NBPF12: variants seen among roughly 807,000 people sequenced by gnomAD.
The protein encoded by NBPF12 is NBPF family member NBPF12.
NBPF12 carries 115 observed loss-of-function variants against 146.4 expected under a neutral mutation model. The ratio of observed to expected loss-of-function variants is 0.79; its 90% CI spans 0.68 to 0.92. NBPF12 has a LOEUF of 0.92. Among genes scored for constraint, NBPF12 ranks in the 40% least tolerant of loss-of-function variants. The probability of loss-of-function intolerance (pLI) is 0.00; values close to 1 mark genes in which losing one functional copy is unlikely to be tolerated. For synonymous variants in NBPF12, 385 were observed against 508.9 expected, an observed-to-expected ratio of 0.76 and a Z score of 3.28; for missense variants, 1,205 against 1,326.8, an observed-to-expected ratio of 0.91 and a Z score of 1.43.
chr1:146,992,654 G>T, intron 31 of NBPF12, 58 bp from the exon 35 acceptor site: 2 of 769,468 alleles, frequency 2.6e-6, no homozygotes, highest in East Asian at 2.5e-5. Flanking sequence ...AACCTAGTTG[G>T]GGCTCTGTTG....
At chr1:146,975,429 T>C (rs1389670146) in intron 15 of NBPF12, among the ~76,000 whole-genome samples, 5 of 150,248 alleles carry the variant, frequency 3.3e-5, no homozygotes, top group African/African-American at 7.5e-5. Flanking sequence ...AGACACCTAC[T>C]TTTGTTTACA....
chr1:146,969,566 G>A (rs1314537192), exon 11 of NBPF12: 2 of 1,608,838 alleles, frequency 1.2e-6, no homozygotes, highest in East Asian at 4.5e-5. Context: ...GTGTAGACTG[G>A]CACAGCACCT....
chr1:146,939,123 A>G (rs1399080380), intron 1 of NBPF12, 111 bp downstream of exon 1: 2 of 152,008 alleles, frequency 1.3e-5, no homozygotes, highest in Admixed American at 1.3e-4. Context: ...CGGGCTCCGC[A>G]GGGCTCCGCC....
chr1:146,973,566 G>A (rs1656796006), intron 14 of NBPF12, among the ~76,000 whole-genome samples: 1 of 149,186 alleles, frequency 6.7e-6, no homozygotes, highest in South Asian at 2.1e-4. Flanking sequence ...GAGGCGAGTA[G>A]AGCACGAGGT....
chr1:146,962,214 T>C, exon 5 of NBPF12: 1 of 1,608,326 alleles, frequency 6.2e-7, no homozygotes. Flanking sequence ...TGAGCGACAG[T>C]TCAAGGAGGA....
At chr1:146,972,903 G>A (rs1656746720) in exon 14 of NBPF12, 1 of 1,048,956 alleles carries the variant, frequency 9.5e-7, no homozygotes, top group East Asian at 2.4e-5. Context: ...AAGCCTCAAA[G>A]AGAAATGTTT....
At chr1:146,953,219 G>A (rs1254378924) in intron 2 of NBPF12, among the ~76,000 whole-genome samples, 1 of 129,654 alleles carries the variant, frequency 7.7e-6, no homozygotes, top group Non-Finnish European at 1.6e-5. Context: ...GACATGTGGT[G>A]GTTACTAATC....
intron 5 of NBPF12, 76 bp downstream of exon 8, chr1:146,962,339 G>C: frequency 8.1e-7 from 1 of 1,228,312 alleles, no homozygotes; most frequent in Non-Finnish European, 1.2e-6. Flanking sequence ...GCGGGGAGAA[G>C]TAAGAACGAA....
chr1:146,950,145 G>A, intron 1 of NBPF12, among the ~76,000 whole-genome samples: 1 of 151,932 alleles, frequency 6.6e-6, no homozygotes, highest in Non-Finnish European at 1.5e-5. Flanking sequence ...TCTGCAAAGT[G>A]CATTTACCCT....
upstream of NBPF12, chr1:146,938,701 C>T (rs1654642208): frequency 6.6e-6 from 1 of 152,110 alleles, no homozygotes; most frequent in Admixed American, 6.5e-5. Flanking sequence ...CCTTTAAGGC[C>T]CAGCTGCGCC....
chr1:146,976,304 C>T (rs1657011697), intron 16 of NBPF12, among the ~76,000 whole-genome samples: 1 of 148,824 alleles, frequency 6.7e-6, no homozygotes, highest in Non-Finnish European at 1.5e-5. Flanking sequence ...CTCTCCATGG[C>T]AGACAAATTG....
In NBPF12 at chr1:146,963,321, A is replaced by G. The variant is rs1437718143; in HGVS notation, c.493+12A>G. 1.2e-6 allele frequency: 2 copies of G among 1,611,634 alleles called. No homozygotes were observed. The highest frequency in any genetic ancestry group is 1.3e-5 in the African/African-American group (1 of 74,558). On this transcript the variant is annotated intron_variant, in intron 6 of 33. Transcript: ENST00000617844. Reference sequence around the variant, plus strand: ...AAAGCTCAGCCCAGGTAAGGTGGCCATAGGCCCTGATGACCCAAAACCCCA... The same window carrying G: ...AAAGCTCAGCCCAGGTAAGGTGGCCGTAGGCCCTGATGACCCAAAACCCCA...
intron 11 of NBPF12, 92 bp downstream of exon 14, chr1:146,969,688 G>A (rs1321578804): frequency 1.3e-6 from 2 of 1,547,880 alleles, no homozygotes; most frequent in African/African-American, 2.8e-5. Context: ...TGTATCAGTG[G>A]GGTTTTTTTC....
At chr1:146,982,811 T>G in intron 19 of NBPF12, 117 bp from the exon 23 acceptor site, 3 of 1,444,930 alleles carry the variant, frequency 2.1e-6, no homozygotes, top group East Asian at 2.3e-5. Flanking sequence ...AAAGGAAAAA[T>G]GCCTTTGGTT....
intron 11 of NBPF12, among the ~76,000 whole-genome samples, chr1:146,970,108 G>A (rs1656493550): frequency 2.0e-5 from 3 of 150,674 alleles, no homozygotes; most frequent in Non-Finnish European, 1.5e-5. Flanking sequence ...TCTCGGTGTG[G>A]TGTTGGGGAA....
At chr1:146,960,496 C>T (rs1432052542) in intron 4 of NBPF12, among the ~76,000 whole-genome samples, 178 bp downstream of exon 7, 3 of 151,902 alleles carry the variant, frequency 2.0e-5, no homozygotes, top group African/African-American at 7.3e-5. Flanking sequence ...AAGTATTTAG[C>T]AACTTTCCAT....
rs1457239643 is a variant in NBPF12, at chr1:146,957,757, A to T, written c.-183-2102A>T. On this transcript the variant is annotated intron_variant, in intron 2 of 33. Transcript: ENST00000617844. ...GCAGGTGGGGGAGGCGGAGAGCTCG[A>T]TGCAGGTGCTGTCCTCCTCGCCACG... 5 of 132,524 alleles carry T rather than the reference A, an allele frequency of 3.8e-5. 2 individuals carry two copies. The highest frequency in any genetic ancestry group is 8.3e-5 in the Non-Finnish European group (5 of 60,540). The allele number at this position is 132,524 out of a possible 1,614,324, so 8.2% of individuals were successfully genotyped here. A position where few individuals can be genotyped will look rare whatever the true frequency, so the allele number is the denominator to read the frequency against.
intron 8 of NBPF12, among the ~76,000 whole-genome samples, chr1:146,965,928 C>T (rs1307260181): frequency 3.3e-5 from 5 of 149,660 alleles, no homozygotes; most frequent in South Asian, 4.3e-4. Flanking sequence ...TCCAAGATGG[C>T]GAAACCCCAT....
chr1:146,945,007 C>CTTTT, upstream of NBPF12, among the ~76,000 whole-genome samples: 1 of 34,732 alleles, frequency 2.9e-5, no homozygotes, highest in African/African-American at 8.7e-5. Context: ...TCCCTCCCTT[C>CTTTT]CTTCCTCCCT....
Sources: allele counts gnomAD v4.1 joint callset (sites outside exome capture counted in the v4.1 genomes callset), GRCh38; gene constraint gnomAD v4.1.1; transcripts MANE v1.5; gene names NCBI Gene and HGNC (gene_info 2026-07-23, HGNC 2026-07-21).